Variants in PDE7A observed in about 807,000 individuals in gnomAD.
PDE7A encodes the protein phosphodiesterase 7A, also known as high affinity 3',5'-cyclic-AMP phosphodiesterase 7A.
PDE7A carries 39 observed loss-of-function variants against 64.3 expected under a neutral mutation model. That is an observed-to-expected ratio of 0.61 (90% confidence interval 0.47 to 0.79). PDE7A has a LOEUF of 0.79. PDE7A is among the 30% of genes least tolerant of loss of function. The pLI is 0.00. For missense variants in PDE7A, 470 were observed against 582.8 expected, an observed-to-expected ratio of 0.81 and a Z score of 1.99; for synonymous variants, 203 against 206.8, an observed-to-expected ratio of 0.98 and a Z score of 0.16.
chr8:65,715,618 T>C lies in PDE7A; in HGVS notation c.*3672A>G, dbSNP rs1297565909. 2.7e-5 allele frequency among the ~76,000 whole-genome samples: 4 copies of C among 148,890 alleles called. No homozygotes were observed. Among genetic ancestry groups the C allele is most frequent in the Admixed American group, 6.6e-5 (1 of 15,120 alleles). ...GTCTCGAACTCCCGACCTCAGGTGA[T>C]CCACCCACCTCAGCCTCCCAAAGTG... On this transcript the variant is annotated 3_prime_UTR_variant, in exon 13 of 13. Coordinates refer to ENST00000401827, the MANE Select transcript of PDE7A (RefSeq NM_001242318.3).
At chr8:65,769,247 CAAAA>C (rs61554087) in intron 3 of PDE7A, among the ~76,000 whole-genome samples, 10 of 74,456 alleles carry the variant, frequency 1.3e-4, no homozygotes, top group Admixed American at 1.2e-3. Flanking sequence ...GACTCAGTCT[CAAAA>C]AAAAAAAAAA....
At chr8:65,722,359 C>T (rs1022736298) in intron 12 of PDE7A, 2 of 152,286 alleles carry the variant, frequency 1.3e-5, no homozygotes, top group African/African-American at 2.4e-5. Flanking sequence ...CCATGAGTAT[C>T]CATTGCAATC....
chr8:65,803,883 C>T (rs1379470955), intron 1 of PDE7A, among the ~76,000 whole-genome samples: 3 of 152,226 alleles, frequency 2.0e-5, no homozygotes, highest in East Asian at 3.9e-4. Context: ...ACAGAGGATA[C>T]GATTGGGAGA....
In PDE7A at chr8:65,750,512, GTC is replaced by G. The variant is rs1554559658; in HGVS notation, c.284-2711_284-2710del. On this transcript the variant is annotated intron_variant, in intron 3 of 12. Coordinates refer to ENST00000401827, the MANE Select transcript of PDE7A (RefSeq NM_001242318.3). ...TGTGTGTGTGTGTGTGTCTGTGTGT[GTC>G]TGTGTGTGTGTGAGACAGAGAGAGA... 4.0e-3 allele frequency among the ~76,000 whole-genome samples: 600 copies of G among 151,438 alleles called. 3 individuals are homozygous for G. Among genetic ancestry groups the G allele is most frequent in the African/African-American group, 0.014 (576 of 41,190 alleles).
intron 3 of PDE7A, among the ~76,000 whole-genome samples, chr8:65,748,929 C>A (rs1242415987): frequency 6.6e-6 from 1 of 152,200 alleles, no homozygotes; most frequent in Non-Finnish European, 1.5e-5. Flanking sequence ...AATTCTGAAT[C>A]TGCTCATCTT....
intron 1 of PDE7A, among the ~76,000 whole-genome samples, chr8:65,791,538 C>T (rs1362195914): frequency 2.0e-5 from 3 of 152,202 alleles, no homozygotes; most frequent in Non-Finnish European, 4.4e-5. Flanking sequence ...TTTGCAAGTG[C>T]CCTGAGAAAC....
intron 9 of PDE7A, among the ~76,000 whole-genome samples, chr8:65,725,929 A>C (rs1233130885): frequency 6.6e-6 from 1 of 152,194 alleles, no homozygotes; most frequent in African/African-American, 2.4e-5. Flanking sequence ...TACAGCAAAA[A>C]ATGATTTTAC....
chr8:65,746,598 G>GA (rs2128906124), intron 4 of PDE7A, among the ~76,000 whole-genome samples: 1 of 151,768 alleles, frequency 6.6e-6, no homozygotes, highest in East Asian at 1.9e-4. Flanking sequence ...ACTTTTTCTA[G>GA]AAAAAAACTT....
intron 3 of PDE7A, among the ~76,000 whole-genome samples, chr8:65,756,436 T>TC (rs1335569810): frequency 1.2e-4 from 19 of 152,160 alleles, no homozygotes; most frequent in Middle Eastern, 3.2e-3. Flanking sequence ...TCTCTTTTTT[T>TC]TCTCTCTCTC....
At position 65,798,096 on chromosome 8, in the gene PDE7A, G is replaced by A. The variant is rs562982698; in HGVS notation, c.139-15253C>T. ...ACTCAGAGAAAATTATCTGTAGTAT[G>A]TAAGTCTGATAAAGAACTTGTACCA... On this transcript the variant is annotated intron_variant, in intron 1 of 12. Coordinates refer to ENST00000401827, the MANE Select transcript of PDE7A (RefSeq NM_001242318.3). Among the ~76,000 whole-genome samples the A allele has an allele frequency of 5.1e-3, 752 of 148,036 alleles. 3 individuals are homozygous for A. The highest frequency in any genetic ancestry group is 7.4e-3 in the Non-Finnish European group (498 of 67,286).
At chr8:65,774,520 T>C (rs1448971581) in intron 3 of PDE7A, among the ~76,000 whole-genome samples, 1 of 152,046 alleles carries the variant, frequency 6.6e-6, no homozygotes, top group Non-Finnish European at 1.5e-5. Context: ...CAGGAGTCTT[T>C]CGCACTCTTA....
At chr8:65,726,741 A>T in intron 9 of PDE7A, 134 bp downstream of exon 9, 1 of 538,464 alleles carries the variant, frequency 1.9e-6, no homozygotes, top group Non-Finnish European at 3.4e-6. Flanking sequence ...AATTGTATAT[A>T]ATTTATTAAA....
intron 1 of PDE7A, among the ~76,000 whole-genome samples, chr8:65,840,142 C>T (rs377303429): frequency 1.2e-4 from 19 of 152,092 alleles, no homozygotes; most frequent in East Asian, 5.8e-4. Context: ...ACAGGTCTAA[C>T]CTTCAAAATA....
intron 1 of PDE7A, among the ~76,000 whole-genome samples, chr8:65,793,218 G>A (rs1296638326): frequency 6.6e-6 from 1 of 152,066 alleles, no homozygotes; most frequent in Non-Finnish European, 1.5e-5. Context: ...CAAACTAGTG[G>A]AAGAATTCTA....
At chr8:65,760,492 C>T (rs1234483952) in intron 3 of PDE7A, among the ~76,000 whole-genome samples, 1 of 152,102 alleles carries the variant, frequency 6.6e-6, no homozygotes, top group East Asian at 1.9e-4. Context: ...TAGGAGTGCA[C>T]TTCAATAGTG....
chr8:65,815,038 G>A lies in PDE7A; in HGVS notation c.138+26333C>T, dbSNP rs144008660. ...AGAGGTTGCAGTGAGCTGAGATTGC[G>A]CCACTGTACTTCAGGCTGTGTGACA... On this transcript the variant is annotated intron_variant, in intron 1 of 12. Coordinates refer to ENST00000401827, the MANE Select transcript of PDE7A (RefSeq NM_001242318.3). 4.7e-3 allele frequency among the ~76,000 whole-genome samples: 709 copies of A among 151,406 alleles called. 7 individuals carry two copies. The highest frequency in any genetic ancestry group is 0.016 in the African/African-American group (671 of 41,192).
Position 65,727,208 on chromosome 8 carries a change from G to C in PDE7A, c.790C>G (p.Leu264Val). Residue 264 changes from leucine to valine, a missense_variant, in exon 8 of 13, where the codon CTT (leucine) becomes GTT (valine). By Grantham distance (32) the Leu-to-Val change is conservative. Coordinates refer to ENST00000401827, the MANE Select transcript of PDE7A (RefSeq NM_001242318.3). Reference protein sequence around the residue: ...LDHPGVNQPFLIKTNHYLATL... With the variant: ...LDHPGVNQPFVIKTNHYLATL... Reference sequence around the variant, plus strand: ...GCCAAGTAATGGTTAGTTTTAATAAGGAAAGGTTGATTAACACCTGGATGA... The same window carrying C: ...GCCAAGTAATGGTTAGTTTTAATAACGAAAGGTTGATTAACACCTGGATGA... 1 of 1,613,004 alleles carries C rather than the reference G, an allele frequency of 6.2e-7. No homozygotes were observed. Among genetic ancestry groups the C allele is most frequent in the Non-Finnish European group, 8.5e-7 (1 of 1,179,142 alleles).
intron 1 of PDE7A, among the ~76,000 whole-genome samples, chr8:65,830,198 A>G (rs1207443119): frequency 6.6e-6 from 1 of 152,042 alleles, no homozygotes. Flanking sequence ...ATTCATGTTG[A>G]GAAAGTTAAT....
At chr8:65,818,590 G>T (rs1213505896) in intron 1 of PDE7A, among the ~76,000 whole-genome samples, 1 of 152,186 alleles carries the variant, frequency 6.6e-6, no homozygotes, top group African/African-American at 2.4e-5. Flanking sequence ...ATGTGTGTGG[G>T]CAGGGAAGTG....
Sources: gnomAD v4.1 joint callset for allele counts (sites outside exome capture counted in the v4.1 genomes callset) on GRCh38, gnomAD v4.1.1 for gene constraint, MANE v1.5 for transcripts, NCBI Gene and HGNC (gene_info 2026-07-23, HGNC 2026-07-21) for gene names.